The following ZFYVE26 variants were observed in gnomAD, a reference collection of about 807,000 sequenced individuals.
The protein encoded by ZFYVE26 is zinc finger FYVE-type containing 26, also known as zinc finger FYVE domain-containing protein 26.
ZFYVE26 carries 181 observed loss-of-function variants against 276.5 expected under a neutral mutation model. That is an observed-to-expected ratio of 0.65 (90% CI 0.58 to 0.74). The LOEUF is 0.74. Ranked by LOEUF, ZFYVE26 falls within the 30% of genes least tolerant of loss-of-function variation. The pLI is 0.00. For missense variants in ZFYVE26, 2,821 were observed against 3,097.9 expected, an observed-to-expected ratio of 0.91 and a Z score of 2.12; for synonymous variants, 1,129 against 1,203.1, an observed-to-expected ratio of 0.94 and a Z score of 1.27.
At chr14:67,731,495 G>A (rs968015517) in intron 13 of ZFYVE26, among the ~76,000 whole-genome samples, 4 of 151,842 alleles carry the variant, frequency 2.6e-5, no homozygotes, top group Admixed American at 6.6e-5. Context: ...GATTGCAGGC[G>A]TGAGCCACTG....
rs142331147 is a variant in ZFYVE26, at chr14:67,779,721, A to G, written c.4674+520T>C. On this transcript the variant is annotated intron_variant, in intron 23 of 41. Coordinates refer to ENST00000347230, the MANE Select transcript of ZFYVE26 (RefSeq NM_015346.4). Reference sequence around the variant, plus strand: ...TCATGACCAATGACCCAGCAATTCCACTTCGAGAAATACATTCTGTACCTA... The same window carrying G: ...TCATGACCAATGACCCAGCAATTCCGCTTCGAGAAATACATTCTGTACCTA... Among the ~76,000 whole-genome samples the G allele has an allele frequency of 8.5e-4, 130 of 152,352 alleles. 1 individual carries two copies. The highest frequency in any genetic ancestry group is 2.5e-3 in the African/African-American group (105 of 41,572).
chr14:67,785,450 C>T (rs952173112), intron 18 of ZFYVE26, among the ~76,000 whole-genome samples, 173 bp from the exon 19 acceptor site: 7 of 152,192 alleles, frequency 4.6e-5, no homozygotes, highest in African/African-American at 1.7e-4. Context: ...GTCACTTGGA[C>T]AAGTGATTCC....
chr14:67,772,131 TG>T lies in ZFYVE26; in HGVS notation c.5399del (p.Pro1800GlnfsTer42). On this transcript the variant is annotated frameshift_variant, in exon 28 of 42. Coordinates refer to ENST00000347230, the MANE Select transcript of ZFYVE26 (RefSeq NM_015346.4). LOFTEE classifies it high-confidence loss of function. ...ACTGGTGCCTGGCAGGGGGTGTCGC[TG>T]GGGGCACAAATTCCTGTGAGGGCTG... ...PTQPSQEFVP[P>X]ATPPARHQWV... 6.2e-7 allele frequency: 1 copy of T among 1,613,104 alleles called. No individual in the cohort carries two copies. The highest frequency in any genetic ancestry group is 8.5e-7 in the Non-Finnish European group (1 of 1,179,780).
intron 39 of ZFYVE26, 128 bp downstream of exon 39, chr14:67,753,579 G>T: frequency 9.5e-7 from 1 of 1,050,004 alleles, no homozygotes; most frequent in Non-Finnish European, 1.4e-6. Flanking sequence ...TCACATCCTT[G>T]ATTTCATCCC....
chr14:67,793,673 A>C lies in ZFYVE26; in HGVS notation c.2488T>G (p.Phe830Val). Residue 830 changes from phenylalanine to valine, a missense_variant, in exon 14 of 42, where the codon TTC (phenylalanine) becomes GTC (valine). By Grantham distance (50) the Phe-to-Val change is conservative (BLOSUM62 -1). Transcript: ENST00000347230. ...HPQSSLIPMM[F>V]SPPESLLASC... is the part of the protein sequence containing the mutation. ...GCCAGCAGTGACTCAGGTGGGGAGA[A>C]CATCATGGGGATGAGTGAACTTTGA... 6.2e-7 allele frequency: 1 copy of C among 1,613,850 alleles called. No individual in the cohort carries two copies. The highest frequency in any genetic ancestry group is 8.5e-7 in the Non-Finnish European group (1 of 1,179,860).
chr14:67,807,392 A>G lies in ZFYVE26; in HGVS notation c.886+6T>C, dbSNP rs1190844955. ...AACTAAAGGAGCAGCAGCAAAGGGA[A>G]CACACCTTTTCCCGAGGCTGTAGCC... On this transcript the variant is annotated splice_donor_region_variant and intron_variant, in intron 5 of 41. Transcript: ENST00000347230. 1 of 1,614,012 alleles carries G rather than the reference A, an allele frequency of 6.2e-7. No individual in the cohort carries two copies. The highest frequency in any genetic ancestry group is 1.7e-5 in the Admixed American group (1 of 60,024).
intron 29 of ZFYVE26, among the ~76,000 whole-genome samples, chr14:67,768,856 A>G (rs1000560493): frequency 2.0e-5 from 3 of 152,212 alleles, no homozygotes; most frequent in Non-Finnish European, 2.9e-5. Flanking sequence ...AATAATGACC[A>G]AAAATGTTCA....
rs2140252542 is a variant in ZFYVE26 at position 67,807,846 on chromosome 14, A to C, written c.438T>G (p.Thr146=). 6.2e-7 allele frequency: 1 copy of C among 1,613,884 alleles called. No homozygotes were observed. The highest frequency in any genetic ancestry group is 8.5e-7 in the Non-Finnish European group (1 of 1,179,848). Residue 146 remains threonine (T), a synonymous_variant, in exon 5 of 42, where the codon ACT becomes ACG. Transcript: ENST00000347230. ...PDGNPRRESW[T]PRLSSEAVSV... is the part of the protein sequence containing the mutation. ...AGACAGCTTCGGAGCTGAGACGAGGAGTCCAGCTCTCCCTCCTTGGATTTC... is the reference window on the plus strand; with the variant it reads ...AGACAGCTTCGGAGCTGAGACGAGGCGTCCAGCTCTCCCTCCTTGGATTTC...
intron 21 of ZFYVE26, among the ~76,000 whole-genome samples, chr14:67,782,383 C>A (rs759464888): frequency 3.3e-5 from 5 of 152,140 alleles, no homozygotes; most frequent in African/African-American, 9.7e-5. Context: ...TGGGTAGTTA[C>A]GAGCGAGACT....
At chr14:67,791,495 A>AT (rs1241288949) in intron 14 of ZFYVE26, among the ~76,000 whole-genome samples, 4 of 152,218 alleles carry the variant, frequency 2.6e-5, no homozygotes, top group African/African-American at 9.6e-5. Flanking sequence ...AGTCATACAT[A>AT]TTTTGGAGAA....
intron 10 of ZFYVE26, chr14:67,799,067 C>G: frequency 8.4e-7 from 1 of 1,189,232 alleles, no homozygotes; most frequent in Non-Finnish European, 1.3e-6. Context: ...GTACGATGAG[C>G]AGGGAACAGT....
chr14:67,755,868 A>T (rs538071630), intron 36 of ZFYVE26, 80 bp downstream of exon 36: 168 of 1,541,122 alleles, frequency 1.1e-4, no homozygotes, highest in Middle Eastern at 1.7e-4. Context: ...TGACAGTCTC[A>T]TTCCCTCATC....
intron 18 of ZFYVE26, 43 bp downstream of exon 18, chr14:67,785,815 C>T: frequency 6.2e-7 from 1 of 1,613,296 alleles, no homozygotes; most frequent in Non-Finnish European, 8.5e-7. Context: ...GTTTCCTCTC[C>T]CCAGTTCAGC....
At chr14:67,798,989 G>A in intron 10 of ZFYVE26, 2 of 1,135,884 alleles carry the variant, frequency 1.8e-6, no homozygotes, top group Non-Finnish European at 1.3e-6. Context: ...GTGATTTACG[G>A]ATACTCTCTG....
At position 67,789,471 on chromosome 14, in the gene ZFYVE26, T is replaced by C. The variant is rs776043563; in HGVS notation, c.2883A>G (p.Arg961=). Residue 961 remains arginine, a synonymous_variant, in exon 16 of 42, where the codon AGA becomes AGG. Transcript: ENST00000347230. ...GGGGACTGAGGTCTTCCAGAACCTC[T>C]CTCAGGGGAGCAGTGGGCTCCACTA... ...TALVEPTAPL[R]EVLEDLSPPA... 11 of 1,614,042 alleles carry C rather than the reference T, an allele frequency of 6.8e-6. No individual in the cohort carries two copies. The highest frequency in any genetic ancestry group is 1.3e-5 in the African/African-American group (1 of 74,902).
intron 16 of ZFYVE26, among the ~76,000 whole-genome samples, chr14:67,788,396 A>G (rs1316732272): frequency 6.6e-6 from 1 of 152,198 alleles, no homozygotes; most frequent in Admixed American, 6.5e-5. Context: ...ATTCTATCTC[A>G]AAAACACAAA....
chr14:67,792,352 A>ATGTTATTAAGTTTAATAACT (rs1446405144), intron 14 of ZFYVE26, among the ~76,000 whole-genome samples: 12 of 151,448 alleles, frequency 7.9e-5, no homozygotes, highest in African/African-American at 2.4e-4. Context: ...GTACTATTTT[A>ATGTTATTAAGTTTAATAACT]TGTTATTAAG....
downstream of ZFYVE26, among the ~76,000 whole-genome samples, chr14:67,743,014 A>AT (rs969031845): frequency 3.3e-5 from 5 of 149,348 alleles, no homozygotes; most frequent in African/African-American, 4.9e-5. Context: ...TAATTTTCTT[A>AT]TTTTTTGTAG....
intron 25 of ZFYVE26, among the ~76,000 whole-genome samples, chr14:67,776,467 A>C (rs2039346964): frequency 6.6e-6 from 1 of 152,204 alleles, no homozygotes; most frequent in Non-Finnish European, 1.5e-5. Flanking sequence ...TTCCAATAAC[A>C]CTTGCTTTAC....
Sources: allele counts gnomAD v4.1 joint callset (sites outside exome capture counted in the v4.1 genomes callset), GRCh38; gene constraint gnomAD v4.1.1; transcripts MANE v1.5; gene names NCBI Gene and HGNC (gene_info 2026-07-23, HGNC 2026-07-21).